SCPPPQ1: variants seen among roughly 807,000 people sequenced by gnomAD.
SCPPPQ1 encodes the protein secretory calcium-binding phosphoprotein proline-glutamine rich 1.
chr4:87,467,651 G>A, the SCPPPQ1 span, among the ~76,000 whole-genome samples: 1 of 152,154 alleles, frequency 6.6e-6, no homozygotes, highest in Non-Finnish European at 1.5e-5. Context: ...CCCTTGTCAC[G>A]TTCCACTATA....
At chr4:87,462,995 C>CA in the SCPPPQ1 span, among the ~76,000 whole-genome samples, 649 of 91,428 alleles carry the variant, frequency 7.1e-3, 8 homozygotes, top group African/African-American at 0.011. Flanking sequence ...CAAGACTCCT[C>CA]AAAAAAAAAA....
the SCPPPQ1 span, among the ~76,000 whole-genome samples, chr4:87,466,779 G>A: frequency 2.6e-5 from 4 of 152,102 alleles, no homozygotes; most frequent in African/African-American, 7.2e-5. Flanking sequence ...TCCAGCTACT[G>A]GGGAGCCTGT....
At chr4:87,469,953 T>C in the SCPPPQ1 span, among the ~76,000 whole-genome samples, 1 of 55,196 alleles carries the variant, frequency 1.8e-5, no homozygotes, top group Non-Finnish European at 3.4e-5. Context: ...AAATCTTTTT[T>C]TTTTTTTTTT....
the SCPPPQ1 span, among the ~76,000 whole-genome samples, chr4:87,470,627 C>T: frequency 3.3e-5 from 5 of 152,056 alleles, no homozygotes; most frequent in East Asian, 9.7e-4. Flanking sequence ...AATTAACTTA[C>T]CTTGTGAGTT....
chr4:87,465,167 G>A, the SCPPPQ1 span, among the ~76,000 whole-genome samples: 1 of 152,128 alleles, frequency 6.6e-6, no homozygotes. Flanking sequence ...GAGGATAAGG[G>A]TCACAGGAGT....
chr4:87,462,694 TA>T, the SCPPPQ1 span, among the ~76,000 whole-genome samples: 1 of 152,096 alleles, frequency 6.6e-6, no homozygotes, highest in Non-Finnish European at 1.5e-5. Context: ...GAATTGCCTA[TA>T]AGACAAAAAT....
chr4:87,469,512 G>C, the SCPPPQ1 span, among the ~76,000 whole-genome samples: 2 of 152,162 alleles, frequency 1.3e-5, no homozygotes, highest in Non-Finnish European at 2.9e-5. Context: ...GAAATGAAAA[G>C]ATAAGACCTG....
At chr4:87,465,590 T>TAAAAAAAAAAAAAAA in the SCPPPQ1 span, among the ~76,000 whole-genome samples, 1 of 105,108 alleles carries the variant, frequency 9.5e-6, no homozygotes, top group Non-Finnish European at 1.9e-5. Flanking sequence ...AAAAAAAAAG[T>TAAAAAAAAAAAAAAA]AAATTGTGAA....
the SCPPPQ1 span, among the ~76,000 whole-genome samples, chr4:87,469,947 C>CTTTTTTT: frequency 3.5e-5 from 4 of 114,982 alleles, no homozygotes; most frequent in East Asian, 2.7e-4. Context: ...ACACACAAAT[C>CTTTTTTT]TTTTTTTTTT....
chr4:87,461,194 T>C, the SCPPPQ1 span, among the ~76,000 whole-genome samples: 3 of 152,218 alleles, frequency 2.0e-5, no homozygotes, highest in Admixed American at 1.3e-4. Flanking sequence ...ATCCACATCC[T>C]GTTAGGTAGT....
chr4:87,465,084 A>G, the SCPPPQ1 span, among the ~76,000 whole-genome samples: 1 of 152,168 alleles, frequency 6.6e-6, no homozygotes, highest in African/African-American at 2.4e-5. Flanking sequence ...ACTAATGACA[A>G]ATGTAAGCAT....
At chr4:87,462,926 G>C in the SCPPPQ1 span, among the ~76,000 whole-genome samples, 1 of 151,130 alleles carries the variant, frequency 6.6e-6, no homozygotes, top group South Asian at 2.1e-4. Flanking sequence ...TGAGCCTGGG[G>C]GGGCAGAGGT....
chr4:87,465,559 CAAAAAAAAA>C, the SCPPPQ1 span, among the ~76,000 whole-genome samples: 37 of 98,308 alleles, frequency 3.8e-4, no homozygotes, highest in East Asian at 1.1e-3. Flanking sequence ...TAGAAATCTA[CAAAAAAAAA>C]AAAAAAAAAA....
At chr4:87,461,795 A>C in the SCPPPQ1 span, among the ~76,000 whole-genome samples, 1 of 152,204 alleles carries the variant, frequency 6.6e-6, no homozygotes, top group Non-Finnish European at 1.5e-5. Context: ...TAATAAACTG[A>C]CTTTAAAATA....
the SCPPPQ1 span, among the ~76,000 whole-genome samples, chr4:87,468,002 A>T: frequency 6.6e-6 from 1 of 152,216 alleles, no homozygotes; most frequent in East Asian, 1.9e-4. Flanking sequence ...CTTTCAGCAT[A>T]TTGTTCGAGC....
chr4:87,466,307 T>G, the SCPPPQ1 span, among the ~76,000 whole-genome samples: 106 of 151,754 alleles, frequency 7.0e-4, 5 homozygotes, highest in South Asian at 0.021. Flanking sequence ...GAGGCGGAGG[T>G]TGCAGTGAGC....
the SCPPPQ1 span, among the ~76,000 whole-genome samples, chr4:87,465,558 A>C: frequency 1.9e-3 from 180 of 94,146 alleles, no homozygotes; most frequent in African/African-American, 7.1e-3. Flanking sequence ...ATAGAAATCT[A>C]CAAAAAAAAA....
chr4:87,461,241 A>G, the SCPPPQ1 span, among the ~76,000 whole-genome samples: 1,228 of 152,292 alleles, frequency 8.1e-3, 20 homozygotes, highest in African/African-American at 0.028. Flanking sequence ...ATTGATATTT[A>G]GAAAGGTTGC....
At chr4:87,465,594 T>G in the SCPPPQ1 span, among the ~76,000 whole-genome samples, 1 of 128,554 alleles carries the variant, frequency 7.8e-6, no homozygotes, top group Non-Finnish European at 1.6e-5. Flanking sequence ...AAAAAGTAAA[T>G]TGTGAATGAA....
Sources: gnomAD v4.1 joint callset for allele counts (sites outside exome capture counted in the v4.1 genomes callset) on GRCh38, gnomAD v4.1.1 for gene constraint, MANE v1.5 for transcripts, NCBI Gene and HGNC (gene_info 2026-07-23, HGNC 2026-07-21) for gene names.